Variants in GSK3B observed in about 807,000 individuals in gnomAD.
GSK3B encodes the protein glycogen synthase kinase 3 beta, also known as glycogen synthase kinase-3 beta.
A neutral mutation model predicts 56.4 loss-of-function variants in GSK3B; 15 were observed. That is an observed-to-expected ratio of 0.27 (90% CI 0.18 to 0.41). The LOEUF is 0.41. GSK3B is among the 10% of genes least tolerant of loss of function. GSK3B has a pLI of 1.00. For missense variants in GSK3B, 300 were observed against 513.4 expected, an observed-to-expected ratio of 0.58 and a Z score of 4.02; for synonymous variants, 181 against 188.9, an observed-to-expected ratio of 0.96 and a Z score of 0.34.
intron 1 of GSK3B, among the ~76,000 whole-genome samples, chr3:120,074,584 G>A (rs1458503823): frequency 6.6e-6 from 1 of 152,076 alleles, no homozygotes; most frequent in African/African-American, 2.4e-5. Flanking sequence ...CCAAAGTGCT[G>A]GGATTACAGG....
Position 120,048,451 on chromosome 3 carries a change from A to G in GSK3B, c.88+44896T>C, listed in dbSNP as rs1184921432. ...ACTCTGGAGCCAGACAGCCTGGGTT[A>G]AATACTGGCTCTGCCACTTACTAAC... is the stretch of plus-strand genomic sequence containing the variant. On this transcript the variant is annotated intron_variant, in intron 1 of 10. Transcript: ENST00000264235. Among the ~76,000 whole-genome samples the G allele has an allele frequency of 3.9e-5, 6 of 152,248 alleles. No individual in the cohort carries two copies. The East Asian group carries it at 9.6e-4, about 24-fold the overall frequency.
At chr3:120,049,366 T>C (rs2058128582) in intron 1 of GSK3B, among the ~76,000 whole-genome samples, 1 of 152,078 alleles carries the variant, frequency 6.6e-6, no homozygotes, top group South Asian at 2.1e-4. Flanking sequence ...GTCAAATGGA[T>C]AAAAGCTGCA....
intron 1 of GSK3B, among the ~76,000 whole-genome samples, chr3:120,022,409 C>A (rs2057886730): frequency 6.6e-6 from 1 of 152,120 alleles, no homozygotes; most frequent in South Asian, 2.1e-4. Context: ...GGTCTGGAAC[C>A]AAACCCACAA....
In GSK3B at chr3:119,869,236, A is replaced by AAAAAC. The variant is rs1553726303; in HGVS notation, c.910-5632_910-5631insGTTTT. 1.9e-3 allele frequency among the ~76,000 whole-genome samples: 280 copies of AAAAAC among 148,830 alleles called. 8 individuals carry two copies. Among genetic ancestry groups the AAAAAC allele is most frequent in the African/African-American group, 6.8e-3 (269 of 39,278 alleles). On this transcript the variant is annotated intron_variant, in intron 8 of 10. Transcript: ENST00000264235. Reference sequence around the variant, plus strand: ...AAGATTCCATCTCAAAAAAAAAAAAAAAAAAAAAAACATATATTCTTTGGC... The same window carrying AAAAAC: ...AAGATTCCATCTCAAAAAAAAAAAAAAAAACAAAAAAAAAACATATATTCTTTGGC...
intron 10 of GSK3B, among the ~76,000 whole-genome samples, chr3:119,839,490 T>C (rs1436894652): frequency 2.0e-5 from 3 of 152,212 alleles, no homozygotes; most frequent in Non-Finnish European, 4.4e-5. Flanking sequence ...AAGCAGTTTA[T>C]CTAGGAGCCT....
chr3:120,002,562 C>T (rs1404293099), intron 1 of GSK3B, among the ~76,000 whole-genome samples: 1 of 152,144 alleles, frequency 6.6e-6, no homozygotes, highest in East Asian at 1.9e-4. Context: ...TGGTCTTGAA[C>T]TCCTGACCTC....
Position 119,828,893 on chromosome 3 carries a change from A to G in GSK3B, c.1196-2038T>C, listed in dbSNP as rs2055558767. 3.9e-5 allele frequency among the ~76,000 whole-genome samples: 6 copies of G among 152,258 alleles called. No individual in the cohort carries two copies. In the South Asian group the frequency reaches 1.2e-3, roughly 32 times the overall value. ...GCTGCTTCTAATCTTGTTGTCATGTACACAAGTGAAGATATTATGGCATCA... is the reference window on the plus strand; with the variant it reads ...GCTGCTTCTAATCTTGTTGTCATGTGCACAAGTGAAGATATTATGGCATCA... On this transcript the variant is annotated intron_variant, in intron 10 of 10. Transcript: ENST00000264235.
chr3:119,916,933 A>G (rs527370434), intron 4 of GSK3B, among the ~76,000 whole-genome samples: 2 of 152,182 alleles, frequency 1.3e-5, no homozygotes, highest in African/African-American at 4.8e-5. Flanking sequence ...GGAGTAAAGA[A>G]TCAGACTCTT....
chr3:119,896,759 G>A (rs1179171702), intron 7 of GSK3B, among the ~76,000 whole-genome samples: 1 of 152,102 alleles, frequency 6.6e-6, no homozygotes, highest in East Asian at 1.9e-4. Flanking sequence ...CCTGAAGTCA[G>A]GGGTCTAGCA....
intron 1 of GSK3B, among the ~76,000 whole-genome samples, chr3:120,078,108 C>T (rs980222667): frequency 6.6e-6 from 1 of 152,100 alleles, no homozygotes; most frequent in African/African-American, 2.4e-5. Flanking sequence ...AACTCAAAAT[C>T]TATCATGACC....
intron 2 of GSK3B, among the ~76,000 whole-genome samples, chr3:119,989,827 G>C (rs2057547960): frequency 6.6e-6 from 1 of 151,852 alleles, no homozygotes. Context: ...TATCTGACAG[G>C]ATCATGGCCA....
chr3:119,842,509 A>C (rs900704895), intron 10 of GSK3B, among the ~76,000 whole-genome samples: 3 of 152,156 alleles, frequency 2.0e-5, no homozygotes, highest in African/African-American at 7.2e-5. Context: ...GGGGAAAAAA[A>C]CAAAAGTGTA....
In GSK3B at chr3:119,822,026, C is replaced by T. The variant is rs2055416293; in HGVS notation, c.*4762G>A. The T allele has an allele frequency of 5.2e-6, 1 of 191,870 alleles. No homozygotes were observed. Among genetic ancestry groups the T allele is most frequent in the Non-Finnish European group, 1.1e-5 (1 of 92,504 alleles). 11.9% of individuals were successfully genotyped at this position (191,870 alleles called of 1,614,324 possible). A position where few individuals can be genotyped will look rare whatever the true frequency, so the allele number is the denominator to read the frequency against. The stretch of plus-strand genomic sequence containing the variant: ...CAGTACCAGTTAACTATTTCCAAAC[C>T]AAGTCACATAGAACAAAATGTATTT... On this transcript the variant is annotated 3_prime_UTR_variant, in exon 11 of 11. Transcript: ENST00000264235.
intron 1 of GSK3B, among the ~76,000 whole-genome samples, chr3:120,011,345 T>G (rs73854763): frequency 6.6e-6 from 1 of 152,138 alleles, no homozygotes; most frequent in African/African-American, 2.4e-5. Flanking sequence ...CTAGCTATGA[T>G]AGATATCCAT....
At chr3:120,010,413 G>C (rs1341139609) in intron 1 of GSK3B, among the ~76,000 whole-genome samples, 1 of 152,094 alleles carries the variant, frequency 6.6e-6, no homozygotes, top group Admixed American at 6.5e-5. Context: ...TCTAAATGAA[G>C]AGATCCAGAA....
intron 1 of GSK3B, among the ~76,000 whole-genome samples, chr3:120,035,805 T>C (rs1422596611): frequency 1.3e-5 from 2 of 152,238 alleles, no homozygotes; most frequent in East Asian, 1.9e-4. Flanking sequence ...AGAAACATAG[T>C]TGATTTTTAT....
intron 3 of GSK3B, among the ~76,000 whole-genome samples, chr3:119,935,111 G>A (rs2056981834): frequency 6.6e-6 from 1 of 151,942 alleles, no homozygotes; most frequent in Non-Finnish European, 1.5e-5. Context: ...AAACTCAAGA[G>A]CTTTATTATT....
At chr3:120,086,700 T>C (rs1418947979) in intron 1 of GSK3B, among the ~76,000 whole-genome samples, 1 of 151,908 alleles carries the variant, frequency 6.6e-6, no homozygotes, top group Non-Finnish European at 1.5e-5. Context: ...GAGGTTGAGG[T>C]TAAAAGATCA....
intron 1 of GSK3B, among the ~76,000 whole-genome samples, chr3:120,023,577 A>T (rs1456060364): frequency 6.6e-6 from 1 of 152,124 alleles, no homozygotes; most frequent in Non-Finnish European, 1.5e-5. Flanking sequence ...TATTACTCTT[A>T]AGGTGTTACT....
Sources: allele counts gnomAD v4.1 joint callset (sites outside exome capture counted in the v4.1 genomes callset), GRCh38; gene constraint gnomAD v4.1.1; transcripts MANE v1.5; gene names NCBI Gene and HGNC (gene_info 2026-07-23, HGNC 2026-07-21).